LUZP2: variants seen among roughly 807,000 people sequenced by gnomAD.
LUZP2 encodes the protein leucine zipper protein 2.
A neutral mutation model predicts 51.6 loss-of-function variants in LUZP2; 52 were observed. The ratio of observed to expected loss-of-function variants is 1.01; its 90% confidence interval spans 0.81 to 1.27. The LOEUF (loss-of-function observed/expected upper bound fraction) is 1.27. LUZP2 is among the 50% of genes most tolerant of loss of function. The pLI is 0.00. For missense variants in LUZP2, 436 were observed against 395.4 expected (o/e 1.10, Z -0.87); for synonymous variants, 154 against 137.3 (o/e 1.12, Z -0.85).
intron 9 of LUZP2, among the ~76,000 whole-genome samples, chr11:24,983,776 C>CTGGGTTTTTT (rs1856109788): frequency 6.7e-6 from 1 of 149,380 alleles, no homozygotes; most frequent in Non-Finnish European, 1.5e-5. Flanking sequence ...AAAAAAAAGC[C>CTGGGTTTTTT]TTACTCCTGG....
chr11:24,900,466 T>G (rs1853241116), intron 5 of LUZP2, among the ~76,000 whole-genome samples: 1 of 152,238 alleles, frequency 6.6e-6, no homozygotes, highest in South Asian at 2.1e-4. Context: ...TCCATTCATC[T>G]AAAGACATAA....
chr11:24,920,880 C>T (rs1005344017), intron 7 of LUZP2, among the ~76,000 whole-genome samples: 1 of 151,920 alleles, frequency 6.6e-6, no homozygotes, highest in African/African-American at 2.4e-5. Context: ...ACTGAAAGCC[C>T]AGACATCACC....
intron 5 of LUZP2, among the ~76,000 whole-genome samples, chr11:24,833,631 A>C (rs1850765100): frequency 6.6e-6 from 1 of 152,030 alleles, no homozygotes; most frequent in Non-Finnish European, 1.5e-5. Flanking sequence ...AGATTAATCG[A>C]ATCAGAATTT....
At chr11:24,818,476 G>A (rs1850253918) in intron 5 of LUZP2, among the ~76,000 whole-genome samples, 1 of 152,014 alleles carries the variant, frequency 6.6e-6, no homozygotes, top group Non-Finnish European at 1.5e-5. Flanking sequence ...GGTGGTATGT[G>A]AAGCACGGCG....
At chr11:24,862,773 A>T (rs1851777874) in intron 5 of LUZP2, among the ~76,000 whole-genome samples, 1 of 152,248 alleles carries the variant, frequency 6.6e-6, no homozygotes, top group African/African-American at 2.4e-5. Context: ...AAGTAGGAAG[A>T]CAACCTGCCG....
At chr11:24,604,765 G>A (rs1853857179) in intron 1 of LUZP2, among the ~76,000 whole-genome samples, 1 of 151,794 alleles carries the variant, frequency 6.6e-6, no homozygotes, top group African/African-American at 2.4e-5. Context: ...TATCAGTCAT[G>A]AGAATCTTCA....
chr11:25,050,844 T>A (rs1858487970), intron 10 of LUZP2, among the ~76,000 whole-genome samples: 1 of 152,188 alleles, frequency 6.6e-6, no homozygotes, highest in African/African-American at 2.4e-5. Context: ...TACAGAGACA[T>A]CATTGTAGAG....
chr11:24,506,123 C>T (rs1850140062), intron 1 of LUZP2, among the ~76,000 whole-genome samples: 1 of 151,872 alleles, frequency 6.6e-6, no homozygotes, highest in Non-Finnish European at 1.5e-5. Context: ...TTGGTCATGA[C>T]CTGCAGAGAA....
At chr11:24,731,624 T>G (rs965800379) in intron 2 of LUZP2, among the ~76,000 whole-genome samples, 4 of 151,772 alleles carry the variant, frequency 2.6e-5, no homozygotes, top group Non-Finnish European at 4.4e-5. Flanking sequence ...CCTTGTTTTT[T>G]TGTGTGTGTC....
rs201273964 is a variant in LUZP2, at chr11:25,050,108, C to G, written c.836C>G (p.Thr279Ser). ...TCAACAAAGGAAGGAAATCCAAGTA[C>G]CACTGCCTGTGACTCTCAAGATGTA... ...VESTKEGNPS[T>S]TACDSQDEGR... Residue 279 changes from threonine (T) to serine (S), a missense_variant, in exon 10 of 12, where the codon ACC becomes AGC. Coordinates refer to ENST00000336930, the MANE Select transcript of LUZP2 (RefSeq NM_001009909.4). 1.4e-5 allele frequency: 22 copies of G among 1,600,360 alleles called. No homozygotes were observed. Among genetic ancestry groups the G allele is most frequent in the South Asian group, 4.5e-5 (4 of 89,110 alleles).
intron 5 of LUZP2, among the ~76,000 whole-genome samples, chr11:24,901,881 A>G (rs922629917): frequency 6.6e-6 from 1 of 152,128 alleles, no homozygotes; most frequent in African/African-American, 2.4e-5. Flanking sequence ...CCTTATTTCA[A>G]TAGCTTTGAC....
At chr11:24,930,104 T>C (rs983517421) in intron 7 of LUZP2, among the ~76,000 whole-genome samples, 8 of 152,190 alleles carry the variant, frequency 5.3e-5, no homozygotes, top group Admixed American at 5.2e-4. Flanking sequence ...CCCCCTTACC[T>C]TAAGTTTATT....
intron 3 of LUZP2, among the ~76,000 whole-genome samples, chr11:24,732,835 T>C (rs1168470041): frequency 6.6e-6 from 1 of 151,770 alleles, no homozygotes; most frequent in East Asian, 1.9e-4. Context: ...TATATTTTCT[T>C]GTTTCATCTT....
At chr11:24,824,130 G>A (rs931754295) in intron 5 of LUZP2, among the ~76,000 whole-genome samples, 128 of 151,834 alleles carry the variant, frequency 8.4e-4, no homozygotes, top group Non-Finnish European at 6.2e-4. Context: ...TTGGGAGGCC[G>A]AGGCAGGCGG....
chr11:25,037,396 T>A (rs1237655436), intron 9 of LUZP2, among the ~76,000 whole-genome samples: 1 of 152,138 alleles, frequency 6.6e-6, no homozygotes, highest in Non-Finnish European at 1.5e-5. Flanking sequence ...TTGGGTCTTG[T>A]CTTTTTATCT....
chr11:24,935,830 G>C (rs2133841144), intron 7 of LUZP2, among the ~76,000 whole-genome samples: 1 of 152,210 alleles, frequency 6.6e-6, no homozygotes, highest in Admixed American at 6.5e-5. Flanking sequence ...TGGTTACCAA[G>C]TTATAAAATT....
At chr11:24,602,137 T>C (rs1371177936) in intron 1 of LUZP2, among the ~76,000 whole-genome samples, 1 of 80,538 alleles carries the variant, frequency 1.2e-5, no homozygotes, top group Non-Finnish European at 2.4e-5. Flanking sequence ...TATATGTGTA[T>C]ATATGTATAT....
intron 5 of LUZP2, among the ~76,000 whole-genome samples, chr11:24,772,438 G>A (rs557452089): frequency 8.7e-4 from 133 of 152,190 alleles, no homozygotes; most frequent in African/African-American, 2.5e-3. Flanking sequence ...AGTTTGAGTC[G>A]AATATTTACT....
At chr11:24,931,265 AAAAT>A (rs1299933875) in intron 7 of LUZP2, among the ~76,000 whole-genome samples, 11 of 138,988 alleles carry the variant, frequency 7.9e-5, no homozygotes, top group African/African-American at 3.2e-4. Flanking sequence ...AAAATAAAAT[AAAAT>A]AAAAAGTTCT....
Sources: gnomAD v4.1 joint callset for allele counts (sites outside exome capture counted in the v4.1 genomes callset) on GRCh38, gnomAD v4.1.1 for gene constraint, MANE v1.5 for transcripts, NCBI Gene and HGNC (gene_info 2026-07-23, HGNC 2026-07-21) for gene names.